Variants in RASGRF2 observed in about 807,000 individuals in gnomAD.
RASGRF2 encodes the protein Ras protein specific guanine nucleotide releasing factor 2.
RASGRF2 carries 76 observed loss-of-function variants against 151.0 expected under a neutral mutation model. The ratio of observed to expected loss-of-function variants is 0.50; its 90% CI spans 0.42 to 0.61. The LOEUF is 0.61. RASGRF2 is among the 20% of genes least tolerant of loss of function. The pLI is 0.00. For synonymous variants in RASGRF2, 504 were observed against 566.5 expected, an observed-to-expected ratio of 0.89 and a Z score of 1.57; for missense variants, 1,148 against 1,564.6, an observed-to-expected ratio of 0.73 and a Z score of 4.49.
chr5:81,180,248 C>G lies in RASGRF2; in HGVS notation c.2760C>G (p.Asn920Lys). 6.2e-7 allele frequency: 1 copy of G among 1,611,214 alleles called. No individual in the cohort carries two copies. The highest frequency in any genetic ancestry group is 8.5e-7 in the Non-Finnish European group (1 of 1,177,778). The change falls in exon 18 of 27, where the codon AAC (asparagine) becomes AAG (lysine). Residue 920 changes from asparagine to lysine, a missense_variant. Coordinates refer to ENST00000265080, the MANE Select transcript of RASGRF2 (RefSeq NM_006909.3). ...IRRTATNRVL[N>K]VLRHWVSKHA... ...GAACGGCTACCAATCGAGTTCTGAA[C>G]GTCCTCCGTCACTGGGTCTCAAAGC...
intron 14 of RASGRF2, 23 bp downstream of exon 14, chr5:81,112,881 G>A (rs1753038962): frequency 1.9e-6 from 3 of 1,613,796 alleles, no homozygotes; most frequent in Non-Finnish European, 2.5e-6. Flanking sequence ...CTAGAGGTTA[G>A]CCTGTCATTC....
intron 5 of RASGRF2, among the ~76,000 whole-genome samples, chr5:81,073,657 C>A (rs190303117): frequency 7.3e-5 from 11 of 151,712 alleles, no homozygotes; most frequent in African/African-American, 2.7e-4. Context: ...CTTGCTCTGT[C>A]GCCCAGGCTG....
At chr5:80,993,538 GA>G (rs1748721791) in intron 1 of RASGRF2, among the ~76,000 whole-genome samples, 2 of 152,138 alleles carry the variant, frequency 1.3e-5, no homozygotes, top group South Asian at 4.1e-4. Context: ...ATCTTGGCAA[GA>G]AAGAGCTGAC....
chr5:81,101,089 A>G lies in RASGRF2; in HGVS notation c.1755+6097A>G, dbSNP rs559421134. On this transcript the variant is annotated intron_variant, in intron 12 of 26. Transcript: ENST00000265080. ...TCCCAGCCGTTACAAACTGAACTAGACTATCTATGATCTAGGAATCTAATT... is the reference window on the plus strand; with the variant it reads ...TCCCAGCCGTTACAAACTGAACTAGGCTATCTATGATCTAGGAATCTAATT... Among the ~76,000 whole-genome samples the G allele has an allele frequency of 3.9e-5, 6 of 152,316 alleles. No individual in the cohort carries two copies. The East Asian group carries it at 7.7e-4, about 20-fold the overall frequency.
Position 81,229,195 on chromosome 5 carries a change from ATC to A in RASGRF2, c.*3429_*3430del, listed in dbSNP as rs1756060738. 6.6e-6 allele frequency: 1 copy of A among 152,128 alleles called. No homozygotes were observed. Among genetic ancestry groups the A allele is most frequent in the African/African-American group, 2.4e-5 (1 of 41,424 alleles). 9.4% of individuals were successfully genotyped at this position (152,128 alleles called of 1,614,324 possible). On this transcript the variant is annotated 3_prime_UTR_variant, in exon 27 of 27. Coordinates refer to ENST00000265080, the MANE Select transcript of RASGRF2 (RefSeq NM_006909.3). ...TTTGATTTTATCCCCTTGAAAAAAA[ATC>A]TCTTCACTTTAAAGTATAAAGGTTT... is the stretch of plus-strand genomic sequence containing the variant.
chr5:81,027,334 G>A (rs1468726577), intron 1 of RASGRF2, among the ~76,000 whole-genome samples: 1 of 152,162 alleles, frequency 6.6e-6, no homozygotes, highest in Non-Finnish European at 1.5e-5. Flanking sequence ...GTGTGTGGGG[G>A]ATAGAGCATA....
At chr5:81,041,770 A>G (rs1377601915) in intron 1 of RASGRF2, among the ~76,000 whole-genome samples, 5 of 152,184 alleles carry the variant, frequency 3.3e-5, no homozygotes, top group African/African-American at 1.2e-4. Flanking sequence ...ATGTAAACAC[A>G]TGCTTGGATT....
At chr5:81,214,314 T>C (rs1561263545) in intron 23 of RASGRF2, among the ~76,000 whole-genome samples, 1 of 152,254 alleles carries the variant, frequency 6.6e-6, no homozygotes, top group African/African-American at 2.4e-5. Flanking sequence ...CATGGGCTAG[T>C]GGACTGTCCC....
rs200789455 is a variant in RASGRF2 at position 81,162,110 on chromosome 5, G to A, written c.2687-18065G>A. Among the ~76,000 whole-genome samples, 10 of 151,748 alleles carry A rather than the reference G, an allele frequency of 6.6e-5. No homozygotes were observed. In the East Asian group the frequency reaches 1.8e-3, roughly 27 times the overall value. On this transcript the variant is annotated intron_variant, in intron 17 of 26. Coordinates refer to ENST00000265080, the MANE Select transcript of RASGRF2 (RefSeq NM_006909.3). ...GGCTCAAAAGTGCCTGATTTACTGA[G>A]GAAGGTACTCAGAGTTGAGAAAGAA...
At chr5:81,013,712 AG>A (rs1370230265) in intron 1 of RASGRF2, among the ~76,000 whole-genome samples, 1 of 151,988 alleles carries the variant, frequency 6.6e-6, no homozygotes, top group Non-Finnish European at 1.5e-5. Flanking sequence ...GTTTTCTACT[AG>A]AGAGTTAGTG....
At chr5:81,003,742 C>A (rs528441) in intron 1 of RASGRF2, among the ~76,000 whole-genome samples, 35,720 of 152,132 alleles carry the variant, frequency 0.23, 4,988 homozygotes, top group Middle Eastern at 0.43. Flanking sequence ...AAAATGTTTA[C>A]TTGCAGGTAT....
chr5:81,134,079 C>CGTGTGTGTGTGT (rs139770057), intron 17 of RASGRF2, among the ~76,000 whole-genome samples: 1,478 of 143,776 alleles, frequency 0.01, 19 homozygotes, highest in East Asian at 0.02. Flanking sequence ...TGCTTGTGTG[C>CGTGTGTGTGTGT]GTGTGTGTGT....
In RASGRF2 at chr5:81,180,073, T is replaced by C. The variant is rs183292413; in HGVS notation, c.2687-102T>C. ...CGCACCTCTCTGCCAAGAAGTGTCA[T>C]CTGTGAGTTTCGTTAACCAATGTCC... On this transcript the variant is annotated intron_variant, in intron 17 of 26. Coordinates refer to ENST00000265080, the MANE Select transcript of RASGRF2 (RefSeq NM_006909.3). The C allele has an allele frequency of 1.2e-5, 8 of 683,700 alleles. No individual in the cohort carries two copies. In the East Asian group the frequency reaches 2.0e-4, roughly 18 times the overall value. 42.4% of individuals were successfully genotyped at this position (683,700 alleles called of 1,614,324 possible).
intron 15 of RASGRF2, among the ~76,000 whole-genome samples, chr5:81,121,423 G>A (rs921901859): frequency 6.6e-5 from 10 of 152,186 alleles, no homozygotes; most frequent in African/African-American, 2.4e-4. Context: ...TCATTTCAGG[G>A]CATGTTTTTT....
chr5:80,971,937 T>G (rs1747950805), intron 1 of RASGRF2, among the ~76,000 whole-genome samples: 1 of 151,772 alleles, frequency 6.6e-6, no homozygotes, highest in Admixed American at 6.6e-5. Context: ...AGTGTCTCCT[T>G]ATGTTACCAA....
chr5:81,032,390 A>C (rs1199078169), intron 1 of RASGRF2, among the ~76,000 whole-genome samples: 1 of 152,236 alleles, frequency 6.6e-6, no homozygotes, highest in Non-Finnish European at 1.5e-5. Context: ...CGATGTAAAA[A>C]TCCTCAATAA....
rs1012075188 is a variant in RASGRF2, at chr5:81,068,305, C to T, written c.543+126C>T. On this transcript the variant is annotated intron_variant, in intron 3 of 26. Coordinates refer to ENST00000265080, the MANE Select transcript of RASGRF2 (RefSeq NM_006909.3). ...TGACTTCCTCTGACATCAACACATA[C>T]GTGGCTGGGCCTGACCTAGACATGA... The T allele has an allele frequency of 3.7e-6, 4 of 1,091,936 alleles. No homozygotes were observed. In the African/African-American group the frequency reaches 4.8e-5, roughly 13 times the overall value. 67.6% of individuals were successfully genotyped at this position (1,091,936 alleles called of 1,614,324 possible).
At chr5:81,021,998 G>T (rs868788531) in intron 1 of RASGRF2, among the ~76,000 whole-genome samples, 2 of 152,162 alleles carry the variant, frequency 1.3e-5, no homozygotes, top group Admixed American at 6.5e-5. Context: ...AGACCGGTTG[G>T]TGTCAGCCAT....
intron 17 of RASGRF2, among the ~76,000 whole-genome samples, chr5:81,135,261 C>G (rs191590305): frequency 3.9e-4 from 60 of 152,146 alleles, no homozygotes; most frequent in African/African-American, 1.3e-3. Flanking sequence ...GAGTAATGAT[C>G]GTGCTCCATC....
Sources: gnomAD v4.1 joint callset for allele counts (sites outside exome capture counted in the v4.1 genomes callset) on GRCh38, gnomAD v4.1.1 for gene constraint, MANE v1.5 for transcripts, NCBI Gene and HGNC (gene_info 2026-07-23, HGNC 2026-07-21) for gene names.